ANKRD42: variants seen among roughly 807,000 people sequenced by gnomAD.
ANKRD42 encodes ankyrin repeat domain 42, also known as ankyrin repeat domain-containing protein 42.
In ANKRD42, 43 loss-of-function variants were observed where a neutral mutation model predicts 51.5. That is an observed-to-expected ratio of 0.83 (90% CI 0.65 to 1.08). ANKRD42 has a LOEUF of 1.08. Ranked by LOEUF, ANKRD42 falls within the 50% of genes least tolerant of loss-of-function variation. The pLI, the probability that ANKRD42 is intolerant of heterozygous loss-of-function variation, is 0.00. For synonymous variants in ANKRD42, 203 were observed against 213.0 expected (o/e 0.95, Z 0.41); for missense variants, 608 against 629.3 (o/e 0.97, Z 0.36).
Position 83,226,199 on chromosome 11 carries a change from A to G in ANKRD42, c.787+1144A>G, listed in dbSNP as rs560717332. Among the ~76,000 whole-genome samples the G allele has an allele frequency of 1.4e-3, 190 of 135,758 alleles. 1 individual carries two copies. The highest frequency in any genetic ancestry group is 2.2e-3 in the Non-Finnish European group (143 of 64,250). The allele number at this position is 135,758 out of a possible 152,430, so 89.1% of individuals were successfully genotyped here. On this transcript the variant is annotated intron_variant, in intron 6 of 10. Coordinates refer to ENST00000533342, the MANE Select transcript of ANKRD42 (RefSeq NM_001300975.2). ...GCCAGCTGTACATCTGTACACATACATATGTACACATACACACACACACAC... is the reference window on the plus strand; with the variant it reads ...GCCAGCTGTACATCTGTACACATACGTATGTACACATACACACACACACAC...
At chr11:83,257,443 G>C (rs201892169), downstream of ANKRD42, 1 of 391,226 alleles carries the variant, frequency 2.6e-6, no homozygotes, top group East Asian at 7.3e-5. Context: ...GAAAGCCATA[G>C]TTGTTTTTTG....
intron 5 of ANKRD42, among the ~76,000 whole-genome samples, chr11:83,218,424 A>G (rs1339019089): frequency 1.3e-5 from 2 of 152,150 alleles, no homozygotes; most frequent in African/African-American, 4.8e-5. Flanking sequence ...AAGCTGCCTC[A>G]TTTTCAATAG....
intron 7 of ANKRD42, among the ~76,000 whole-genome samples, chr11:83,236,152 A>T (rs1283911498): frequency 6.6e-6 from 1 of 152,154 alleles, no homozygotes; most frequent in East Asian, 1.9e-4. Flanking sequence ...AACCTTTTTG[A>T]GTTTCAGCTT....
chr11:83,248,102 T>A lies in ANKRD42; in HGVS notation c.1482T>A (p.Phe494Leu), dbSNP rs750233088. Reference sequence around the variant, plus strand: ...TTGTGGCTATGGTTGGTGTCCTTTTTAATACATTTATTTTTCTCAAGAAGT... The same window carrying A: ...TTGTGGCTATGGTTGGTGTCCTTTTAAATACATTTATTTTTCTCAAGAAGT... ...PNFVAMVGVLFNTFIFLKKYI... is the reference protein window; with the variant it reads ...PNFVAMVGVLLNTFIFLKKYI... Residue 494 changes from phenylalanine to leucine, a missense_variant, in exon 11 of 11, where the codon TTT (phenylalanine) becomes TTA (leucine). Transcript: ENST00000533342. 1.3e-6 allele frequency: 2 copies of A among 1,554,270 alleles called. No homozygotes were observed. The highest frequency in any genetic ancestry group is 1.7e-6 in the Non-Finnish European group (2 of 1,149,810).
intron 3 of ANKRD42, chr11:83,209,606 C>T (rs922172719): frequency 3.1e-5 from 27 of 868,288 alleles, no homozygotes; most frequent in Admixed American, 5.1e-5. Flanking sequence ...ATTGCTGTTC[C>T]GGTGCCCACT....
At chr11:83,218,988 C>G (rs1243433806) in intron 5 of ANKRD42, among the ~76,000 whole-genome samples, 1 of 152,192 alleles carries the variant, frequency 6.6e-6, no homozygotes, top group Non-Finnish European at 1.5e-5. Flanking sequence ...GGCAGTGGTA[C>G]AGAAGAAAAT....
chr11:83,239,712 A>C (rs1259553384), intron 8 of ANKRD42, among the ~76,000 whole-genome samples: 3 of 152,170 alleles, frequency 2.0e-5, no homozygotes, highest in Admixed American at 1.3e-4. Flanking sequence ...TTAATTCTGA[A>C]CTATTTTATC....
intron 1 of ANKRD42, among the ~76,000 whole-genome samples, chr11:83,195,970 C>T (rs1003424299): frequency 2.0e-5 from 3 of 151,886 alleles, no homozygotes; most frequent in African/African-American, 4.8e-5. Context: ...GTCAGCCTCC[C>T]GAGTAGCTAG....
downstream of ANKRD42, among the ~76,000 whole-genome samples, chr11:83,253,501 C>T (rs538343004): frequency 1.6e-4 from 24 of 152,086 alleles, no homozygotes; most frequent in East Asian, 7.7e-4. Flanking sequence ...TTAATCTGTT[C>T]GACAAACCTG....
At position 83,203,839 on chromosome 11, in the gene ANKRD42, A is replaced by T. The variant is rs866083819; in HGVS notation, c.223-2219A>T. On this transcript the variant is annotated intron_variant, in intron 2 of 10. Coordinates refer to ENST00000533342, the MANE Select transcript of ANKRD42 (RefSeq NM_001300975.2). Reference sequence around the variant, plus strand: ...AAAAAACCATGCTTTATTGGACTTCAGTTTTTTTCAGATGAAATCTGCTAT... The same window carrying T: ...AAAAAACCATGCTTTATTGGACTTCTGTTTTTTTCAGATGAAATCTGCTAT... Among the ~76,000 whole-genome samples the T allele has an allele frequency of 4.6e-5, 7 of 152,122 alleles. No homozygotes were observed. In the South Asian group the frequency reaches 1.4e-3, roughly 32 times the overall value.
chr11:83,223,122 C>A (rs148317025), intron 5 of ANKRD42, among the ~76,000 whole-genome samples: 32 of 152,258 alleles, frequency 2.1e-4, no homozygotes, highest in African/African-American at 7.5e-4. Flanking sequence ...TAGTGGCACA[C>A]ACCTGTAATC....
At chr11:83,212,719 C>CACCT in intron 5 of ANKRD42, 1 of 1,536,102 alleles carries the variant, frequency 6.5e-7, no homozygotes. Flanking sequence ...CATAATTTGG[C>CACCT]ACCTACCTAC....
chr11:83,198,654 T>C lies in ANKRD42; in HGVS notation c.222+12T>C, dbSNP rs1565174072. 1.3e-6 allele frequency: 2 copies of C among 1,560,928 alleles called. No individual in the cohort carries two copies. The highest frequency in any genetic ancestry group is 1.9e-5 in the Admixed American group (1 of 51,738). ...CTGGAAGTTTGGAGGTAAGAAACTA[T>C]ACATATCACTAAACTGAGGTAAGTT... On this transcript the variant is annotated intron_variant, in intron 2 of 10. Transcript: ENST00000533342.
At chr11:83,196,059 A>G (rs1861640966) in intron 1 of ANKRD42, among the ~76,000 whole-genome samples, 1 of 152,032 alleles carries the variant, frequency 6.6e-6, no homozygotes. Flanking sequence ...GTTAGCCATG[A>G]TGGTCTCCTC....
intron 3 of ANKRD42, chr11:83,209,739 C>G (rs1372303733): frequency 3.0e-6 from 2 of 666,358 alleles, no homozygotes; most frequent in Admixed American, 2.2e-5. Context: ...TTCTCACTTT[C>G]ATATTTAGAA....
At chr11:83,258,666 A>AT (rs1369724261), downstream of ANKRD42, among the ~76,000 whole-genome samples, 1 of 151,854 alleles carries the variant, frequency 6.6e-6, no homozygotes. Context: ...AATGATAGCT[A>AT]TTTTTTTTCA....
chr11:83,212,988 A>G, intron 5 of ANKRD42: 1 of 1,598,018 alleles, frequency 6.3e-7, no homozygotes, highest in Non-Finnish European at 8.5e-7. Context: ...GGTGGCAGCC[A>G]TCTCCTCCTC....
At chr11:83,233,545 A>G (rs1863142537) in intron 7 of ANKRD42, among the ~76,000 whole-genome samples, 1 of 151,710 alleles carries the variant, frequency 6.6e-6, no homozygotes, top group Admixed American at 6.6e-5. Flanking sequence ...TGTTTGTTTC[A>G]TTGATCTTTT....
At chr11:83,197,310 G>A (rs1024000744) in intron 1 of ANKRD42, among the ~76,000 whole-genome samples, 2 of 152,150 alleles carry the variant, frequency 1.3e-5, no homozygotes, top group Non-Finnish European at 2.9e-5. Flanking sequence ...GAAAAAAAAT[G>A]TATTAAATCC....
Sources: allele counts gnomAD v4.1 joint callset (sites outside exome capture counted in the v4.1 genomes callset), GRCh38; gene constraint gnomAD v4.1.1; transcripts MANE v1.5; gene names NCBI Gene and HGNC (gene_info 2026-07-23, HGNC 2026-07-21).